Variants in GRIK1 observed in about 807,000 individuals in gnomAD.
GRIK1 encodes glutamate receptor ionotropic, kainate 1.
A neutral mutation model predicts 105.7 loss-of-function variants in GRIK1; 69 were observed. That is an observed-to-expected ratio of 0.65 (90% confidence interval 0.54 to 0.80). GRIK1 has a LOEUF of 0.80. Among genes scored for constraint, GRIK1 ranks in the 30% least tolerant of loss-of-function variants. The pLI, the probability that GRIK1 is intolerant of heterozygous loss-of-function variation, is 0.00. For missense variants in GRIK1, 1,109 were observed against 1,167.3 expected, an observed-to-expected ratio of 0.95 and a Z score of 0.73; for synonymous variants, 438 against 431.3, an observed-to-expected ratio of 1.02 and a Z score of -0.19.
At chr21:29,774,146 A>G (rs1460814456) in intron 1 of GRIK1, among the ~76,000 whole-genome samples, 3 of 152,162 alleles carry the variant, frequency 2.0e-5, no homozygotes, top group Non-Finnish European at 4.4e-5. Flanking sequence ...GAATTATAAT[A>G]TCCTTGCAGA....
intron 12 of GRIK1, among the ~76,000 whole-genome samples, chr21:29,581,911 G>T (rs992848002): frequency 1.3e-5 from 2 of 152,124 alleles, no homozygotes; most frequent in Non-Finnish European, 2.9e-5. Context: ...CGACGAATGT[G>T]ACACACACTT....
At chr21:29,689,501 A>G (rs78941980) in intron 3 of GRIK1, among the ~76,000 whole-genome samples, 5 of 152,234 alleles carry the variant, frequency 3.3e-5, no homozygotes, top group Admixed American at 1.3e-4. Context: ...TTTAAAAAAA[A>G]GTTCCCATAT....
intron 1 of GRIK1, among the ~76,000 whole-genome samples, chr21:29,781,204 CCTAT>C (rs1446655404): frequency 6.6e-6 from 1 of 152,068 alleles, no homozygotes; most frequent in African/African-American, 2.4e-5. Context: ...TGGAATCATA[CCTAT>C]CTGTGCTTCT....
intron 7 of GRIK1, among the ~76,000 whole-genome samples, chr21:29,639,112 T>G (rs950342291): frequency 1.3e-5 from 2 of 152,232 alleles, no homozygotes; most frequent in African/African-American, 4.8e-5. Flanking sequence ...GTCCAGCTCC[T>G]GACTCTGTCT....
At chr21:29,740,037 G>A (rs1435025244) in intron 1 of GRIK1, among the ~76,000 whole-genome samples, 3 of 152,104 alleles carry the variant, frequency 2.0e-5, no homozygotes, top group Admixed American at 1.3e-4. Flanking sequence ...TTAGTTTTCT[G>A]TGACCAAAAT....
At chr21:29,750,845 C>A (rs529271813) in intron 1 of GRIK1, among the ~76,000 whole-genome samples, 1 of 152,102 alleles carries the variant, frequency 6.6e-6, no homozygotes, top group Non-Finnish European at 1.5e-5. Flanking sequence ...CACTCTCGTC[C>A]GTGTGAAGAG....
At chr21:29,575,009 C>T (rs1366436025) in intron 14 of GRIK1, among the ~76,000 whole-genome samples, 1 of 152,092 alleles carries the variant, frequency 6.6e-6, no homozygotes. Flanking sequence ...AAATGATACA[C>T]TTCTTAAAAT....
chr21:29,799,802 G>A (rs2066655089), intron 1 of GRIK1, among the ~76,000 whole-genome samples: 1 of 152,100 alleles, frequency 6.6e-6, no homozygotes, highest in South Asian at 2.1e-4. Context: ...CCAAAGTGCT[G>A]GGATTATAGG....
chr21:29,633,804 G>C (rs1443433823), intron 7 of GRIK1, among the ~76,000 whole-genome samples: 2 of 152,132 alleles, frequency 1.3e-5, no homozygotes, highest in Non-Finnish European at 2.9e-5. Flanking sequence ...AGACTAGCTA[G>C]GGATGCTGAA....
At chr21:29,543,868 A>G (rs2090009834) in intron 16 of GRIK1, among the ~76,000 whole-genome samples, 2 of 152,198 alleles carry the variant, frequency 1.3e-5, no homozygotes, top group Admixed American at 1.3e-4. Flanking sequence ...CTGGCTCCCC[A>G]TGGGAAATGA....
At position 29,672,983 on chromosome 21, in the gene GRIK1, C is replaced by T. The variant is rs965727882; in HGVS notation, c.726G>A (p.Gln242=). Residue 242 remains glutamine, a splice_region_variant and synonymous_variant, in exon 4 of 18, where the codon CAG becomes CAA. Transcript: ENST00000327783. The part of the protein sequence containing the change: ...SHETAAEILK[Q]ILFMGMMTEY... ...TCCACCTCCTCCCTAGCCCTCTTAC[C>T]TGCTTAAGGATTTCAGCGGCTGTTT... The T allele has an allele frequency of 6.2e-7, 1 of 1,607,512 alleles. No homozygotes were observed.
intron 3 of GRIK1, among the ~76,000 whole-genome samples, chr21:29,681,521 G>A (rs1331984316): frequency 3.9e-5 from 6 of 152,172 alleles, no homozygotes; most frequent in Admixed American, 6.5e-5. Flanking sequence ...CTCACAGAAC[G>A]TGGTTCACTT....
At chr21:29,851,618 A>T (rs2068307250) in intron 1 of GRIK1, among the ~76,000 whole-genome samples, 1 of 152,184 alleles carries the variant, frequency 6.6e-6, no homozygotes, top group Non-Finnish European at 1.5e-5. Context: ...CTGTGTGATC[A>T]CAGTTCCTCT....
intron 13 of GRIK1, among the ~76,000 whole-genome samples, chr21:29,578,317 G>A (rs2090942945): frequency 6.6e-6 from 1 of 152,144 alleles, no homozygotes; most frequent in African/African-American, 2.4e-5. Context: ...TGGTCTATAG[G>A]ATCCCTTTAC....
At chr21:29,618,299 C>T (rs368521098) in intron 7 of GRIK1, among the ~76,000 whole-genome samples, 16 of 152,132 alleles carry the variant, frequency 1.1e-4, no homozygotes, top group East Asian at 9.6e-4. Flanking sequence ...CAAATCCAAA[C>T]CACAATGCGA....
At chr21:29,675,151 AAG>A (rs1209259050) in intron 3 of GRIK1, among the ~76,000 whole-genome samples, 1 of 152,244 alleles carries the variant, frequency 6.6e-6, no homozygotes, top group Non-Finnish European at 1.5e-5. Context: ...GTAACTTACA[AAG>A]ATAGTTAAGA....
chr21:29,675,565 C>T (rs990591631), intron 3 of GRIK1, among the ~76,000 whole-genome samples: 1 of 152,118 alleles, frequency 6.6e-6, no homozygotes, highest in African/African-American at 2.4e-5. Context: ...TATATTTTCT[C>T]ACTTCTTTCA....
intron 1 of GRIK1, among the ~76,000 whole-genome samples, chr21:29,753,678 T>C (rs983255998): frequency 1.3e-5 from 2 of 152,202 alleles, no homozygotes; most frequent in Non-Finnish European, 2.9e-5. Context: ...TGGCAGGCTA[T>C]TTTTAAAAGT....
At chr21:29,757,829 C>A (rs997153426) in intron 1 of GRIK1, among the ~76,000 whole-genome samples, 1 of 152,188 alleles carries the variant, frequency 6.6e-6, no homozygotes, top group Non-Finnish European at 1.5e-5. Context: ...CAATACTACC[C>A]CTTCCTCAGT....
Sources: gnomAD v4.1 joint callset for allele counts (sites outside exome capture counted in the v4.1 genomes callset) on GRCh38, gnomAD v4.1.1 for gene constraint, MANE v1.5 for transcripts, NCBI Gene and HGNC (gene_info 2026-07-23, HGNC 2026-07-21) for gene names.